The following DDO variants were observed in gnomAD, a reference collection of about 807,000 sequenced individuals.
The protein encoded by DDO is D-aspartate oxidase, also known as D-aspartate oxidase, DDO.
A neutral mutation model predicts 16.8 loss-of-function variants in DDO; 16 were observed. That is an observed-to-expected ratio of 0.95 (90% CI 0.65 to 1.45). The LOEUF is 1.45. DDO is among the 40% of genes most tolerant of loss of function. The pLI is 0.00. For synonymous variants in DDO, 180 were observed against 167.2 expected (o/e 1.08, Z -0.59); for missense variants, 429 against 420.3 (o/e 1.02, Z -0.18).
chr6:110,390,844 T>G (rs543359261), downstream of DDO, among the ~76,000 whole-genome samples: 2 of 152,386 alleles, frequency 1.3e-5, no homozygotes, highest in East Asian at 3.9e-4. Flanking sequence ...GTTTCCAGTC[T>G]GTCTAAACTT....
chr6:110,405,846 G>A (rs1235257098), intron 3 of DDO, among the ~76,000 whole-genome samples: 1 of 152,064 alleles, frequency 6.6e-6, no homozygotes, highest in Non-Finnish European at 1.5e-5. Flanking sequence ...CGAGGCTGCA[G>A]TGAACTGAAT....
At chr6:110,394,801 C>A (rs577909846) in intron 4 of DDO, among the ~76,000 whole-genome samples, 2 of 152,322 alleles carry the variant, frequency 1.3e-5, no homozygotes, top group South Asian at 2.1e-4. Flanking sequence ...GGGGAGGATA[C>A]CTCCCTTGCC....
At chr6:110,410,947 T>C (rs1773835367) in intron 2 of DDO, among the ~76,000 whole-genome samples, 1 of 152,170 alleles carries the variant, frequency 6.6e-6, no homozygotes, top group Non-Finnish European at 1.5e-5. Flanking sequence ...GATATGTCTA[T>C]TCTTTCTTAG....
chr6:110,411,100 C>T (rs1463046065), intron 2 of DDO, among the ~76,000 whole-genome samples: 1 of 152,158 alleles, frequency 6.6e-6, no homozygotes, highest in Non-Finnish European at 1.5e-5. Flanking sequence ...CAGCTGGCAT[C>T]CGGGCCTTCA....
downstream of DDO, among the ~76,000 whole-genome samples, chr6:110,391,412 C>T (rs887668187): frequency 7.2e-6 from 1 of 139,190 alleles, no homozygotes; most frequent in African/African-American, 2.8e-5. Flanking sequence ...TGTAATGGTG[C>T]GATCTCAGCT....
chr6:110,392,404 A>G lies in DDO; in HGVS notation c.*371T>C. The G allele has an allele frequency of 1.0e-6, 1 of 997,668 alleles. No homozygotes were observed. Among genetic ancestry groups the G allele is most frequent in the Non-Finnish European group, 1.2e-6 (1 of 838,742 alleles). The allele number at this position is 997,668 out of a possible 1,614,324, so 61.8% of individuals were successfully genotyped here. ...ATCAGTTCTAAATAAATTTTACTCT[A>G]TAAGAAGTATTTTTAACAAAAAATA... On this transcript the variant is annotated 3_prime_UTR_variant, in exon 5 of 5. Coordinates refer to ENST00000368924, the MANE Select transcript of DDO (RefSeq NM_001372108.2).
intron 2 of DDO, among the ~76,000 whole-genome samples, chr6:110,411,491 A>C (rs1165522446): frequency 6.6e-6 from 1 of 152,352 alleles, no homozygotes; most frequent in African/African-American, 2.4e-5. Context: ...AGGACATTGC[A>C]ATCTTCTAAC....
intron 4 of DDO, among the ~76,000 whole-genome samples, chr6:110,400,626 A>G (rs1483841650): frequency 6.6e-6 from 1 of 152,246 alleles, no homozygotes; most frequent in Admixed American, 6.5e-5. Flanking sequence ...CCTTAAAGCA[A>G]AATGAAAGCA....
At chr6:110,411,128 A>G (rs1773843268) in intron 2 of DDO, among the ~76,000 whole-genome samples, 1 of 152,098 alleles carries the variant, frequency 6.6e-6, no homozygotes, top group African/African-American at 2.4e-5. Context: ...CAGGCAGGAC[A>G]TGGAACCCTC....
downstream of DDO, chr6:110,388,964 A>T (rs1773058217): frequency 1.1e-5 from 3 of 271,412 alleles, no homozygotes; most frequent in Admixed American, 1.3e-4. Flanking sequence ...GTGATGGTTA[A>T]TTTTATGTGT....
At chr6:110,391,460 C>T (rs1157580967), downstream of DDO, among the ~76,000 whole-genome samples, 1 of 151,348 alleles carries the variant, frequency 6.6e-6, no homozygotes, top group Non-Finnish European at 1.5e-5. Context: ...AGTAGCTTCC[C>T]GAGTAGCTGA....
At chr6:110,415,335 TGAGC>T (rs907499330) in intron 1 of DDO, 128 bp downstream of exon 1, 26 of 1,187,482 alleles carry the variant, frequency 2.2e-5, no homozygotes, top group Middle Eastern at 2.7e-4. Context: ...GGAGGAGGAG[TGAGC>T]GAGCAATGTG....
chr6:110,410,797 C>CAGCCAAA (rs1773829426), intron 2 of DDO, among the ~76,000 whole-genome samples: 1 of 152,122 alleles, frequency 6.6e-6, no homozygotes, highest in African/African-American at 2.4e-5. Flanking sequence ...GGTGGGGATA[C>CAGCCAAA]AGCCAAACTA....
chr6:110,407,391 T>C (rs1773694322), intron 3 of DDO, among the ~76,000 whole-genome samples: 1 of 152,172 alleles, frequency 6.6e-6, no homozygotes, highest in Non-Finnish European at 1.5e-5. Context: ...GGGAAATTAC[T>C]GACATCAGCA....
chr6:110,388,489 T>A (rs1008602493), downstream of DDO, among the ~76,000 whole-genome samples: 1 of 152,240 alleles, frequency 6.6e-6, no homozygotes, highest in South Asian at 2.1e-4. Context: ...TCAGTTGATT[T>A]GAATGCATTA....
intron 2 of DDO, among the ~76,000 whole-genome samples, chr6:110,412,544 C>G (rs1451636120): frequency 1.3e-5 from 2 of 152,154 alleles, no homozygotes; most frequent in Non-Finnish European, 2.9e-5. Flanking sequence ...AGACATGTGG[C>G]CTGCTCTGCC....
chr6:110,400,191 G>C (rs1262967658), intron 4 of DDO, among the ~76,000 whole-genome samples: 1 of 152,232 alleles, frequency 6.6e-6, no homozygotes, highest in Non-Finnish European at 1.5e-5. Flanking sequence ...ATGGAACTAC[G>C]GGGCCTGTCT....
At position 110,413,293 on chromosome 6, in the gene DDO, G is replaced by A. The variant is rs1244467216; in HGVS notation, c.170C>T (p.Pro57Leu). 1 of 1,613,954 alleles carries A rather than the reference G, an allele frequency of 6.2e-7. No homozygotes were observed. Among genetic ancestry groups the A allele is most frequent in the Non-Finnish European group, 8.5e-7 (1 of 1,179,866 alleles). The change falls in exon 2 of 5, where the codon CCA becomes CTA. Residue 57 changes from proline to leucine, a missense_variant and splice_region_variant. Transcript: ENST00000368924. ...ATAGAGGAGCTGAAATCTCTCACCT[G>A]GATAAGTGTGAGGAATAAGCATTCC... ...AAGMLIPHTY[P>L]DTPIHTQKQW... is the part of the protein sequence containing the mutation.
intron 4 of DDO, among the ~76,000 whole-genome samples, chr6:110,399,552 G>T (rs1366972342): frequency 2.7e-5 from 2 of 75,030 alleles, no homozygotes; most frequent in African/African-American, 9.9e-5. Context: ...CGCCCACCCC[G>T]CCTGAAATGC....
Sources: allele counts gnomAD v4.1 joint callset (sites outside exome capture counted in the v4.1 genomes callset), GRCh38; gene constraint gnomAD v4.1.1; transcripts MANE v1.5; gene names NCBI Gene and HGNC (gene_info 2026-07-23, HGNC 2026-07-21).